Variants in EPC2 observed in about 807,000 individuals in gnomAD.
EPC2 encodes enhancer of polycomb 2, also known as enhancer of polycomb homolog 2.
Under a neutral mutation model 92.1 loss-of-function variants are expected in EPC2, and 14 were observed. The ratio of observed to expected loss-of-function variants is 0.15; its 90% CI spans 0.10 to 0.24. The LOEUF (loss-of-function observed/expected upper bound fraction) is 0.24. Ranked by LOEUF, EPC2 falls within the 10% of genes least tolerant of loss-of-function variation. The probability of loss-of-function intolerance (pLI) is 1.00; values close to 1 mark genes in which losing one functional copy is unlikely to be tolerated. For missense variants in EPC2, 755 were observed against 971.5 expected, an observed-to-expected ratio of 0.78 and a Z score of 2.96; for synonymous variants, 340 against 334.7, an observed-to-expected ratio of 1.02 and a Z score of -0.17.
In EPC2 at chr2:148,738,920, G is replaced by A. The variant is rs114610986; in HGVS notation, c.314-4702G>A. The stretch of plus-strand genomic sequence containing the variant: ...GACAAACATACTCTAATGCTGGTTG[G>A]TCACTGAGAGAGCAGGTCTCCCCCT... On this transcript the variant is annotated intron_variant, in intron 2 of 13. Transcript: ENST00000258484. Among the ~76,000 whole-genome samples, 1,091 of 152,286 alleles carry A rather than the reference G, an allele frequency of 7.2e-3. 6 individuals are homozygous for A. The highest frequency in any genetic ancestry group is 0.025 in the African/African-American group (1,025 of 41,554).
chr2:148,686,123 T>G (rs905002893), intron 1 of EPC2, among the ~76,000 whole-genome samples: 1 of 152,246 alleles, frequency 6.6e-6, no homozygotes, highest in African/African-American at 2.4e-5. Flanking sequence ...AGTAGAACTT[T>G]TTTCAAAATT....
chr2:148,741,362 TTTA>T (rs1442158112), intron 2 of EPC2, among the ~76,000 whole-genome samples: 1 of 152,152 alleles, frequency 6.6e-6, no homozygotes, highest in Non-Finnish European at 1.5e-5. Flanking sequence ...TATTTTTGTT[TTTA>T]TTATTGTTAT....
intron 8 of EPC2, 42 bp downstream of exon 8, chr2:148,769,282 A>C (rs1015295696): frequency 7.3e-6 from 10 of 1,379,282 alleles, no homozygotes; most frequent in Non-Finnish European, 1.0e-5. Flanking sequence ...GTGAACTGGA[A>C]TTAACAGGTA....
intron 2 of EPC2, among the ~76,000 whole-genome samples, chr2:148,717,659 C>G (rs187788916): frequency 6.6e-6 from 1 of 152,078 alleles, no homozygotes; most frequent in African/African-American, 2.4e-5. Context: ...TGTTTTACTT[C>G]CAATTATGTG....
intron 1 of EPC2, among the ~76,000 whole-genome samples, chr2:148,671,289 T>TG (rs1037216100): frequency 7.9e-6 from 1 of 126,126 alleles, no homozygotes; most frequent in Non-Finnish European, 1.6e-5. Flanking sequence ...GGATTGTGAT[T>TG]TTTTTTTTTT....
At position 148,680,529 on chromosome 2, in the gene EPC2, G is replaced by A. The variant is rs188152086; in HGVS notation, c.154-9685G>A. On this transcript the variant is annotated intron_variant, in intron 1 of 13. Transcript: ENST00000258484. ...TAGTGCACTTCTATATCTTGAGGCC[G>A]GATATTTATTTCGTTTGGAGGTTGA... Among the ~76,000 whole-genome samples, 163 of 152,208 alleles carry A rather than the reference G, an allele frequency of 1.1e-3. 1 individual carries two copies. The highest frequency in any genetic ancestry group is 3.8e-3 in the African/African-American group (156 of 41,524).
intron 2 of EPC2, among the ~76,000 whole-genome samples, chr2:148,733,696 G>A (rs1431551995): frequency 6.6e-6 from 1 of 151,360 alleles, no homozygotes; most frequent in Non-Finnish European, 1.5e-5. Context: ...TCACCATGTT[G>A]TCCAGGCTGG....
intron 10 of EPC2, among the ~76,000 whole-genome samples, chr2:148,776,072 C>T (rs755418507): frequency 9.2e-5 from 14 of 152,026 alleles, no homozygotes; most frequent in South Asian, 4.1e-4. Context: ...TGAGCCACCG[C>T]GCCCGGCCAA....
intron 2 of EPC2, among the ~76,000 whole-genome samples, chr2:148,737,341 C>G (rs890377463): frequency 6.6e-6 from 1 of 151,902 alleles, no homozygotes; most frequent in Non-Finnish European, 1.5e-5. Context: ...ACTAAAAGTC[C>G]TATCTATAAA....
At chr2:148,774,909 A>C (rs886506070) in intron 10 of EPC2, among the ~76,000 whole-genome samples, 7 of 151,366 alleles carry the variant, frequency 4.6e-5, no homozygotes, top group Non-Finnish European at 8.8e-5. Flanking sequence ...AACACGATGA[A>C]ACCCCGACTC....
intron 1 of EPC2, among the ~76,000 whole-genome samples, chr2:148,648,419 T>C (rs1238073523): frequency 1.3e-5 from 2 of 152,240 alleles, no homozygotes; most frequent in South Asian, 2.1e-4. Context: ...TCACAAATGT[T>C]TTGTGTTTCA....
intron 2 of EPC2, among the ~76,000 whole-genome samples, chr2:148,717,200 T>G (rs1340782165): frequency 6.7e-6 from 1 of 149,982 alleles, no homozygotes; most frequent in East Asian, 1.9e-4. Flanking sequence ...TTGATTTTTT[T>G]TTTTTTTTTT....
chr2:148,704,369 T>G (rs59832514), intron 2 of EPC2, among the ~76,000 whole-genome samples: 1,767 of 151,732 alleles, frequency 0.012, 33 homozygotes, highest in African/African-American at 0.041. Context: ...GAGGGAGAAA[T>G]GGGGAGTTAT....
intron 1 of EPC2, among the ~76,000 whole-genome samples, chr2:148,670,223 G>T (rs1268008848): frequency 1.3e-5 from 2 of 152,156 alleles, no homozygotes; most frequent in East Asian, 3.9e-4. Context: ...TTCTCTTAAA[G>T]AGCACTGGCC....
intron 2 of EPC2, among the ~76,000 whole-genome samples, chr2:148,727,203 T>G (rs1393195109): frequency 6.6e-6 from 1 of 152,238 alleles, no homozygotes; most frequent in African/African-American, 2.4e-5. Context: ...TTTCCCATTG[T>G]GTAGTCTTGG....
intron 2 of EPC2, among the ~76,000 whole-genome samples, chr2:148,735,347 G>T (rs1574612303): frequency 6.6e-6 from 1 of 151,776 alleles, no homozygotes; most frequent in East Asian, 1.9e-4. Context: ...CAGTTTGATG[G>T]GTATGAATTG....
At chr2:148,705,051 A>G (rs545028587) in intron 2 of EPC2, among the ~76,000 whole-genome samples, 125 of 152,202 alleles carry the variant, frequency 8.2e-4, no homozygotes, top group African/African-American at 2.8e-3. Context: ...AATATATTTT[A>G]AAACAAATCC....
In EPC2 at chr2:148,707,622, A is replaced by C. The variant is rs142965865; in HGVS notation, c.313+17249A>C. On this transcript the variant is annotated intron_variant, in intron 2 of 13. Coordinates refer to ENST00000258484, the MANE Select transcript of EPC2 (RefSeq NM_015630.4). The stretch of plus-strand genomic sequence containing the variant: ...AGTAAAGCATTCCTCAGCAAATGTA[A>C]AAGAACAGAAATCACAACAAACTGT... Among the ~76,000 whole-genome samples the C allele has an allele frequency of 7.1e-3, 1,080 of 152,306 alleles. 6 individuals are homozygous for C. The highest frequency in any genetic ancestry group is 0.024 in the African/African-American group (1,015 of 41,550).
At chr2:148,776,273 G>T (rs1171758337) in intron 10 of EPC2, among the ~76,000 whole-genome samples, 2 of 152,110 alleles carry the variant, frequency 1.3e-5, no homozygotes, top group Admixed American at 6.6e-5. Flanking sequence ...AGTGAGAAAC[G>T]GATTCAGACC....
Sources: gnomAD v4.1 joint callset for allele counts (sites outside exome capture counted in the v4.1 genomes callset) on GRCh38, gnomAD v4.1.1 for gene constraint, MANE v1.5 for transcripts, NCBI Gene and HGNC (gene_info 2026-07-23, HGNC 2026-07-21) for gene names.